Variants in PSEN1 observed in about 807,000 individuals in gnomAD.
The protein encoded by PSEN1 is presenilin 1.
PSEN1 carries 15 observed loss-of-function variants against 53.5 expected under a neutral mutation model. The ratio of observed to expected loss-of-function variants is 0.28; its 90% CI spans 0.19 to 0.43. PSEN1 has a LOEUF of 0.43. Among genes scored for constraint, PSEN1 ranks in the 20% least tolerant of loss-of-function variants. PSEN1 has a pLI of 1.00. For synonymous variants in PSEN1, 208 were observed against 209.8 expected (o/e 0.99, Z 0.08); for missense variants, 387 against 571.2 (o/e 0.68, Z 3.29).
At chr14:73,218,441 A>G (rs1236218248) in intron 11 of PSEN1, among the ~76,000 whole-genome samples, 2 of 152,190 alleles carry the variant, frequency 1.3e-5, no homozygotes, top group East Asian at 1.9e-4. Context: ...TATTTTTACT[A>G]AAGATGTGTT....
intron 5 of PSEN1, among the ~76,000 whole-genome samples, chr14:73,178,118 C>T (rs1383298756): frequency 6.6e-6 from 1 of 151,496 alleles, no homozygotes; most frequent in Non-Finnish European, 1.5e-5. Context: ...CGGGGTTTTA[C>T]CACATTGACC....
At chr14:73,185,532 C>T (rs1043049663) in intron 5 of PSEN1, among the ~76,000 whole-genome samples, 39 of 152,168 alleles carry the variant, frequency 2.6e-4, no homozygotes, top group African/African-American at 9.2e-4. Context: ...TGCAGTGAGC[C>T]GAGATGGCAG....
chr14:73,195,916 T>C (rs539981128), intron 7 of PSEN1, among the ~76,000 whole-genome samples: 1 of 152,340 alleles, frequency 6.6e-6, no homozygotes, highest in Non-Finnish European at 1.5e-5. Context: ...ATTATTTGCC[T>C]AAGCCTAAAC....
At chr14:73,149,480 T>C (rs1411118284) in intron 3 of PSEN1, among the ~76,000 whole-genome samples, 1 of 152,212 alleles carries the variant, frequency 6.6e-6, no homozygotes, top group Middle Eastern at 3.2e-3. Flanking sequence ...ACTAGAGCAC[T>C]GAATGGCGTG....
intron 1 of PSEN1, chr14:73,138,281 C>A (rs1896806060): frequency 6.6e-6 from 1 of 151,260 alleles, no homozygotes; most frequent in African/African-American, 2.4e-5. Flanking sequence ...TGCAGTGGCG[C>A]GATCTCAGCT....
intron 5 of PSEN1, among the ~76,000 whole-genome samples, chr14:73,184,986 G>C (rs1166860709): frequency 1.3e-5 from 2 of 149,782 alleles, no homozygotes; most frequent in African/African-American, 2.5e-5. Flanking sequence ...GGGCAGAGGC[G>C]CTCCCCACAT....
At position 73,211,801 on chromosome 14, in the gene PSEN1, G is replaced by A; in HGVS notation, c.988G>A (p.Glu330Lys). The change falls in exon 10 of 12, where the codon GAG (glutamate) becomes AAG (lysine). Residue 330 changes from glutamate to lysine, a missense_variant. Glu to Lys is a moderately conservative substitution (Grantham distance 56). Around this residue, in one of 4 missense-constraint regions of PSEN1, gnomAD observed 75 missense variants for 63.7 expected, o/e 1.18. Transcript: ENST00000324501. ...AAGGGAGTCACAAGACACTGTTGCA[G>A]AGAATGATGATGGCGGGTTCAGTGA... ...TERESQDTVA[E>K]NDDGGFSEEW... 6.2e-7 allele frequency: 1 copy of A among 1,614,132 alleles called. No individual in the cohort carries two copies. The highest frequency in any genetic ancestry group is 8.5e-7 in the Non-Finnish European group (1 of 1,179,998).
chr14:73,144,026 A>T (rs1009711982), intron 1 of PSEN1, among the ~76,000 whole-genome samples: 5 of 115,886 alleles, frequency 4.3e-5, no homozygotes, highest in African/African-American at 3.1e-5. Flanking sequence ...GATTTGCATT[A>T]TAGCTTATCT....
intron 1 of PSEN1, among the ~76,000 whole-genome samples, chr14:73,140,135 A>C (rs1896877084): frequency 6.6e-6 from 1 of 151,626 alleles, no homozygotes; most frequent in Non-Finnish European, 1.5e-5. Flanking sequence ...AAAGGTATAT[A>C]GGACCATAGT....
rs1882693056 is a variant in PSEN1, at chr14:73,223,638, A to G, written c.*4349A>G. 1 of 152,204 alleles carries G rather than the reference A, an allele frequency of 6.6e-6. No individual in the cohort carries two copies. Among genetic ancestry groups the G allele is most frequent in the South Asian group, 2.1e-4 (1 of 4,834 alleles). The allele number at this position is 152,204 out of a possible 1,614,324, so 9.4% of individuals were successfully genotyped here. The stretch of plus-strand genomic sequence containing the variant: ...ATTCTTGGTAAGATATAATTTTGAT[A>G]GCTGATTGCAGATTTTCTGTATTTG... On this transcript the variant is annotated 3_prime_UTR_variant, in exon 12 of 12. Coordinates refer to ENST00000324501, the MANE Select transcript of PSEN1 (RefSeq NM_000021.4).
chr14:73,185,841 G>A (rs1566638000), intron 5 of PSEN1, among the ~76,000 whole-genome samples: 1 of 152,020 alleles, frequency 6.6e-6, no homozygotes, highest in African/African-American at 2.4e-5. Flanking sequence ...GAGTCACTGC[G>A]CCCGATCTCT....
intron 3 of PSEN1, among the ~76,000 whole-genome samples, chr14:73,151,165 A>G (rs183454938): frequency 2.0e-5 from 3 of 152,344 alleles, no homozygotes; most frequent in African/African-American, 7.2e-5. Flanking sequence ...AGACATTCCT[A>G]TGTAGAATTT....
At chr14:73,190,482 A>G (rs1207212921) in intron 6 of PSEN1, among the ~76,000 whole-genome samples, 2 of 136,802 alleles carry the variant, frequency 1.5e-5, no homozygotes, top group African/African-American at 5.6e-5. Flanking sequence ...CCTTGTCTCT[A>G]TTTAAAAAAA....
At chr14:73,209,885 C>T (rs768890711) in intron 9 of PSEN1, among the ~76,000 whole-genome samples, 2 of 152,162 alleles carry the variant, frequency 1.3e-5, no homozygotes, top group African/African-American at 2.4e-5. Flanking sequence ...TTGGGGGGCA[C>T]AGTTCTTTGT....
At chr14:73,185,731 T>C (rs1457504355) in intron 5 of PSEN1, among the ~76,000 whole-genome samples, 1 of 152,172 alleles carries the variant, frequency 6.6e-6, no homozygotes, top group Non-Finnish European at 1.5e-5. Flanking sequence ...TTTGTATTTT[T>C]AGTAGAGATG....
intron 3 of PSEN1, among the ~76,000 whole-genome samples, chr14:73,158,306 A>G (rs1446237962): frequency 6.6e-6 from 1 of 151,374 alleles, no homozygotes; most frequent in African/African-American, 2.4e-5. Context: ...CTATCTATCT[A>G]TCTATCTATC....
At chr14:73,140,535 C>A (rs1896896211) in intron 1 of PSEN1, among the ~76,000 whole-genome samples, 2 of 152,014 alleles carry the variant, frequency 1.3e-5, no homozygotes, top group Non-Finnish European at 2.9e-5. Flanking sequence ...AATTTAACAG[C>A]AAAATCTGGC....
intron 3 of PSEN1, among the ~76,000 whole-genome samples, chr14:73,166,285 A>G (rs189035621): frequency 1.3e-5 from 2 of 152,270 alleles, no homozygotes; most frequent in African/African-American, 4.8e-5. Flanking sequence ...AGACTTAGCT[A>G]ATTAAACTGT....
intron 1 of PSEN1, among the ~76,000 whole-genome samples, chr14:73,143,187 C>T (rs2140497277): frequency 6.6e-6 from 1 of 152,338 alleles, no homozygotes; most frequent in South Asian, 2.1e-4. Context: ...TTGCCTGCCC[C>T]TTTCTTTGTA....
Sources: allele counts gnomAD v4.1 joint callset (sites outside exome capture counted in the v4.1 genomes callset), GRCh38; gene constraint gnomAD v4.1.1; regional missense constraint gnomAD v4.1.1; transcripts MANE v1.5; gene names NCBI Gene and HGNC (gene_info 2026-07-23, HGNC 2026-07-21).